Variants in DLGAP2 observed in about 807,000 individuals in gnomAD.
DLGAP2 encodes disks large-associated protein 2.
In DLGAP2, 26 loss-of-function variants were observed where a neutral mutation model predicts 100.3. That is an observed-to-expected ratio of 0.26 (90% CI 0.19 to 0.36). The LOEUF (loss-of-function observed/expected upper bound fraction) is 0.36. Ranked by LOEUF, DLGAP2 falls within the 10% of genes least tolerant of loss-of-function variation. The probability of loss-of-function intolerance (pLI) is 1.00; values close to 1 mark genes in which losing one functional copy is unlikely to be tolerated. For missense variants in DLGAP2, 1,858 were observed against 1,453.2 expected (o/e 1.28, Z -4.53); for synonymous variants, 886 against 630.1 (o/e 1.41, Z -6.08).
chr8:1,050,020 A>G (rs1222440840), intron 2 of DLGAP2, among the ~76,000 whole-genome samples: 1 of 152,160 alleles, frequency 6.6e-6, no homozygotes, highest in Non-Finnish European at 1.5e-5. Flanking sequence ...ATGTACACAC[A>G]TGCGGATATG....
At chr8:1,486,390 G>T (rs1799237578) in intron 3 of DLGAP2, among the ~76,000 whole-genome samples, 2 of 152,308 alleles carry the variant, frequency 1.3e-5, no homozygotes, top group East Asian at 1.9e-4. Context: ...GGCTGTTAGG[G>T]CTGTGTCCTC....
At chr8:1,387,124 G>T (rs541500862) in intron 3 of DLGAP2, among the ~76,000 whole-genome samples, 15 of 152,304 alleles carry the variant, frequency 9.8e-5, no homozygotes, top group African/African-American at 3.4e-4. Context: ...AAACAGCAGA[G>T]CCGTCGTGAT....
chr8:786,228 G>C (rs902941420), intron 1 of DLGAP2, among the ~76,000 whole-genome samples: 5 of 152,114 alleles, frequency 3.3e-5, no homozygotes, highest in African/African-American at 1.2e-4. Flanking sequence ...AGTAGCTCAT[G>C]GGGCCCAGTG....
At chr8:1,660,245 C>G (rs1224239496) in intron 8 of DLGAP2, among the ~76,000 whole-genome samples, 1 of 152,156 alleles carries the variant, frequency 6.6e-6, no homozygotes, top group African/African-American at 2.4e-5. Context: ...TTGTGTGTAA[C>G]CTGACCTTTC....
chr8:1,430,011 T>TATATATATATATATATACACAC (rs1797373082), intron 3 of DLGAP2, among the ~76,000 whole-genome samples: 1 of 63,958 alleles, frequency 1.6e-5, no homozygotes, highest in African/African-American at 5.5e-5. Context: ...TATATACATA[T>TATATATATATATATATACACAC]ATATATATAT....
intron 2 of DLGAP2, among the ~76,000 whole-genome samples, chr8:1,000,995 G>A (rs7010866): frequency 0.18 from 26,929 of 152,118 alleles, 2,601 homozygotes; most frequent in Admixed American, 0.24. Flanking sequence ...CACCCTGTTC[G>A]CTGTGCCATT....
rs1799152939 is a variant in DLGAP2, at chr8:1,255,017, T to TGTGTGTGTCCTCTCCTGCCCGGGCGCTGA, written c.74-3825_74-3824insCTCTCCTGCCCGGGCGCTGAGTGTGTGTC. On this transcript the variant is annotated intron_variant, in intron 2 of 14. Coordinates refer to ENST00000637795, the MANE Select transcript of DLGAP2 (RefSeq NM_001346810.2). ...GTCCTCTCATCCTGCTTGGGCGCTG[T>TGTGTGTGTCCTCTCCTGCCCGGGCGCTGA]GTGTGTGTCTTCTCCTGCCCAGCCG... is the stretch of plus-strand genomic sequence containing the variant. Among the ~76,000 whole-genome samples the TGTGTGTGTCCTCTCCTGCCCGGGCGCTGA allele has an allele frequency of 3.5e-5, 4 of 113,938 alleles. No individual in the cohort carries two copies. The South Asian group carries it at 1.3e-3, about 37-fold the overall frequency. The allele number at this position is 113,938 out of a possible 152,430, so 74.7% of individuals were successfully genotyped here.
chr8:1,538,931 G>C (rs570964592), intron 4 of DLGAP2, among the ~76,000 whole-genome samples: 13 of 147,260 alleles, frequency 8.8e-5, no homozygotes, highest in East Asian at 4.0e-4. Context: ...TTTTGCCTAG[G>C]CTGGAATGCA....
In DLGAP2 at chr8:1,610,375, A is replaced by G. The variant is rs897922984; in HGVS notation, c.1443-16365A>G. Reference sequence around the variant, plus strand: ...GACACAACAAACCAGAATCTCTGGGACGCATTCAAAGCAGTGTGTAGAGGG... The same window carrying G: ...GACACAACAAACCAGAATCTCTGGGGCGCATTCAAAGCAGTGTGTAGAGGG... On this transcript the variant is annotated intron_variant, in intron 6 of 14. Coordinates refer to ENST00000637795, the MANE Select transcript of DLGAP2 (RefSeq NM_001346810.2). Among the ~76,000 whole-genome samples, 859 of 151,862 alleles carry G rather than the reference A, an allele frequency of 5.7e-3. 7 individuals carry two copies. Among genetic ancestry groups the G allele is most frequent in the African/African-American group, 0.019 (806 of 41,340 alleles).
chr8:1,204,570 C>G (rs1313248818), intron 2 of DLGAP2, among the ~76,000 whole-genome samples: 2 of 110,978 alleles, frequency 1.8e-5, no homozygotes, highest in Non-Finnish European at 3.4e-5. Context: ...CTATATACAC[C>G]TATGATGTGA....
intron 3 of DLGAP2, among the ~76,000 whole-genome samples, chr8:1,447,831 A>G (rs975772816): frequency 6.6e-6 from 1 of 152,224 alleles, no homozygotes; most frequent in African/African-American, 2.4e-5. Context: ...GTATGTGTTG[A>G]GGAATTTATC....
intron 5 of DLGAP2, among the ~76,000 whole-genome samples, chr8:1,558,757 C>G (rs534828055): frequency 6.6e-6 from 1 of 151,890 alleles, no homozygotes; most frequent in East Asian, 1.9e-4. Flanking sequence ...TGCATGCACA[C>G]CCATATAACT....
intron 2 of DLGAP2, among the ~76,000 whole-genome samples, chr8:956,419 AC>A (rs1205313083): frequency 6.6e-6 from 1 of 152,192 alleles, no homozygotes; most frequent in Non-Finnish European, 1.5e-5. Context: ...GCTGGAGATC[AC>A]TGCAGGCTGG....
chr8:754,486 G>A (rs954545112), intron 1 of DLGAP2, among the ~76,000 whole-genome samples: 2 of 152,196 alleles, frequency 1.3e-5, no homozygotes, highest in Non-Finnish European at 2.9e-5. Context: ...AATGGTTGCA[G>A]TGTCATTATC....
In DLGAP2 at chr8:960,801, G is replaced by A. The variant is rs75865603; in HGVS notation, c.73+52835G>A. 2.1e-3 allele frequency among the ~76,000 whole-genome samples: 325 copies of A among 152,254 alleles called. 3 individuals carry two copies. Among genetic ancestry groups the A allele is most frequent in the African/African-American group, 7.7e-3 (320 of 41,546 alleles). Reference sequence around the variant, plus strand: ...GCATTTAATACTCTGATAAGCCCATGGTAAAGTTGAAACATCATAAGTTGA... The same window carrying A: ...GCATTTAATACTCTGATAAGCCCATAGTAAAGTTGAAACATCATAAGTTGA... On this transcript the variant is annotated intron_variant, in intron 2 of 14. Coordinates refer to ENST00000637795, the MANE Select transcript of DLGAP2 (RefSeq NM_001346810.2).
intron 1 of DLGAP2, among the ~76,000 whole-genome samples, chr8:884,868 C>T (rs1237246138): frequency 6.6e-6 from 1 of 152,160 alleles, no homozygotes; most frequent in Admixed American, 6.5e-5. Flanking sequence ...GTTTTCCCAC[C>T]ACCATTTTAC....
At chr8:1,685,441 T>G (rs970093246) in intron 12 of DLGAP2, among the ~76,000 whole-genome samples, 4 of 152,230 alleles carry the variant, frequency 2.6e-5, no homozygotes, top group African/African-American at 9.6e-5. Flanking sequence ...GAACGTCCAC[T>G]GCTTCCAGAC....
intron 2 of DLGAP2, among the ~76,000 whole-genome samples, chr8:1,153,021 C>A (rs769892656): frequency 2.0e-5 from 3 of 152,210 alleles, no homozygotes; most frequent in Non-Finnish European, 4.4e-5. Context: ...AAACTTACCT[C>A]CTTTACTCAT....
chr8:1,153,381 C>G (rs1049405081), intron 2 of DLGAP2, among the ~76,000 whole-genome samples: 2 of 152,192 alleles, frequency 1.3e-5, no homozygotes, highest in Non-Finnish European at 2.9e-5. Context: ...AAACACGCCT[C>G]TTTCTAGTCA....
Sources: allele counts gnomAD v4.1 joint callset (sites outside exome capture counted in the v4.1 genomes callset), GRCh38; gene constraint gnomAD v4.1.1; transcripts MANE v1.5; gene names NCBI Gene and HGNC (gene_info 2026-07-23, HGNC 2026-07-21).